Variants in EXOC2 observed in about 807,000 individuals in gnomAD.
EXOC2 encodes the protein exocyst complex component 2, also known as SEC5-like 1.
Under a neutral mutation model 131.8 loss-of-function variants are expected in EXOC2, and 70 were observed. The observed-to-expected ratio is 0.53, with a 90% CI of 0.44 to 0.65. The LOEUF is 0.65. EXOC2 is among the 30% of genes least tolerant of loss of function. The probability of loss-of-function intolerance (pLI) is 0.00; values close to 1 mark genes in which losing one functional copy is unlikely to be tolerated. For synonymous variants in EXOC2, 411 were observed against 398.4 expected, an observed-to-expected ratio of 1.03 and a Z score of -0.38; for missense variants, 923 against 1,108.6, an observed-to-expected ratio of 0.83 and a Z score of 2.38.
At chr6:656,683 A>T in intron 1 of EXOC2, 1 of 1,606,924 alleles carries the variant, frequency 6.2e-7, no homozygotes, top group Non-Finnish European at 8.5e-7. Context: ...GCCGCCCGGG[A>T]CAGGTGCTCC....
intron 1 of EXOC2, among the ~76,000 whole-genome samples, chr6:678,769 C>G (rs1418418697): frequency 6.6e-6 from 1 of 152,118 alleles, no homozygotes; most frequent in Non-Finnish European, 1.5e-5. Context: ...TGGGAAAATT[C>G]CAAACACTGA....
At chr6:535,765 T>C (rs55645326) in intron 22 of EXOC2, among the ~76,000 whole-genome samples, 124 of 152,284 alleles carry the variant, frequency 8.1e-4, no homozygotes, top group African/African-American at 2.9e-3. Context: ...TTTCATAGAA[T>C]AGAGGCTGAA....
intron 1 of EXOC2, chr6:656,581 G>A (rs147350252): frequency 1.9e-6 from 3 of 1,592,746 alleles, no homozygotes; most frequent in African/African-American, 1.3e-5. Context: ...GCGCGGCCCA[G>A]GGACGAGACC....
At chr6:494,913 T>C (rs2127473195) in intron 25 of EXOC2, among the ~76,000 whole-genome samples, 1 of 152,326 alleles carries the variant, frequency 6.6e-6, no homozygotes. Context: ...AGGGTGTCAC[T>C]CTGTCGCCCA....
At chr6:541,452 G>A (rs9504277) in intron 22 of EXOC2, among the ~76,000 whole-genome samples, 179 of 152,242 alleles carry the variant, frequency 1.2e-3, no homozygotes, top group African/African-American at 3.9e-3. Context: ...AGGATATAAC[G>A]AGAGAGCACT....
At chr6:632,475 CAG>C (rs1394053365) in intron 3 of EXOC2, among the ~76,000 whole-genome samples, 7 of 152,272 alleles carry the variant, frequency 4.6e-5, no homozygotes, top group African/African-American at 1.7e-4. Flanking sequence ...GTATTACTAA[CAG>C]GGGCGTTAAA....
At chr6:687,171 C>CTTTTTTTT (rs762736216) in intron 1 of EXOC2, among the ~76,000 whole-genome samples, 919 of 78,348 alleles carry the variant, frequency 0.012, 196 homozygotes, top group African/African-American at 0.024. Flanking sequence ...AAATAATATT[C>CTTTTTTTT]TTTTTTTTTT....
chr6:500,771 G>T (rs1660993465), intron 23 of EXOC2, among the ~76,000 whole-genome samples: 1 of 152,068 alleles, frequency 6.6e-6, no homozygotes, highest in South Asian at 2.1e-4. Flanking sequence ...CACTGTAAAA[G>T]CATGGATGTT....
At chr6:499,164 C>T (rs1763898143) in intron 24 of EXOC2, among the ~76,000 whole-genome samples, 1 of 152,156 alleles carries the variant, frequency 6.6e-6, no homozygotes, top group Non-Finnish European at 1.5e-5. Context: ...CAGGAAACCA[C>T]GCATCTGTTC....
chr6:565,081 T>C (rs1247993564), intron 13 of EXOC2, 152 bp from the exon 14 acceptor site: 1 of 576,826 alleles, frequency 1.7e-6, no homozygotes, highest in Admixed American at 3.8e-5. Context: ...GATTAAAGAA[T>C]GATTCATTAG....
chr6:657,820 T>C (rs1763208163), intron 1 of EXOC2, among the ~76,000 whole-genome samples: 1 of 152,156 alleles, frequency 6.6e-6, no homozygotes, highest in Admixed American at 6.5e-5. Flanking sequence ...TCTTATGCCC[T>C]TTGCATCTTT....
chr6:614,787 T>C (rs17135679), intron 6 of EXOC2, among the ~76,000 whole-genome samples: 20,278 of 152,116 alleles, frequency 0.13, 1,467 homozygotes, highest in East Asian at 0.15. Context: ...TATCAAATAG[T>C]GGACCCTGAA....
chr6:649,591 G>C (rs575693837), intron 1 of EXOC2, among the ~76,000 whole-genome samples: 3 of 152,178 alleles, frequency 2.0e-5, no homozygotes, highest in Non-Finnish European at 4.4e-5. Context: ...GCCTGGACCC[G>C]AATGGGGATA....
intron 17 of EXOC2, among the ~76,000 whole-genome samples, chr6:559,610 T>C (rs1163204709): frequency 1.3e-5 from 2 of 152,180 alleles, no homozygotes; most frequent in African/African-American, 4.8e-5. Context: ...AGATCAAACA[T>C]GAAATCAGTT....
chr6:657,006 C>G, intron 1 of EXOC2: 1 of 1,369,940 alleles, frequency 7.3e-7, no homozygotes, highest in Non-Finnish European at 9.8e-7. Context: ...CAAGCCCTTC[C>G]GGTCCGCTGG....
intron 23 of EXOC2, among the ~76,000 whole-genome samples, chr6:512,235 C>A (rs1459794596): frequency 6.6e-6 from 1 of 152,202 alleles, no homozygotes; most frequent in African/African-American, 2.4e-5. Context: ...GGTCCACGAA[C>A]AATACAGGTT....
rs190423442 is a variant in EXOC2, at chr6:687,144, T to C, written c.-44+5875A>G. ...AGAAAGACAGATCACCTGAACAAGA[T>C]TGAAGAAGTCATTATCAAATAATAT... On this transcript the variant is annotated intron_variant, in intron 1 of 27. Transcript: ENST00000230449. Among the ~76,000 whole-genome samples, 121 of 149,660 alleles carry C rather than the reference T, an allele frequency of 8.1e-4. 1 individual carries two copies. Among genetic ancestry groups the C allele is most frequent in the Admixed American group, 2.1e-3 (32 of 14,938 alleles).
chr6:502,091 T>C (rs1764246119), intron 23 of EXOC2, among the ~76,000 whole-genome samples: 1 of 152,138 alleles, frequency 6.6e-6, no homozygotes, highest in Non-Finnish European at 1.5e-5. Context: ...ATCCACATGC[T>C]CAGGTCTGGT....
chr6:597,577 G>T (rs1275421976), intron 10 of EXOC2, among the ~76,000 whole-genome samples: 1 of 152,136 alleles, frequency 6.6e-6, no homozygotes, highest in East Asian at 1.9e-4. Context: ...GCTATTCAAG[G>T]TTAAAACCTT....
Sources: gnomAD v4.1 joint callset for allele counts (sites outside exome capture counted in the v4.1 genomes callset) on GRCh38, gnomAD v4.1.1 for gene constraint, MANE v1.5 for transcripts, NCBI Gene and HGNC (gene_info 2026-07-23, HGNC 2026-07-21) for gene names.